AK5: variants seen among roughly 807,000 people sequenced by gnomAD.
The protein encoded by AK5 is adenylate kinase isoenzyme 5.
Under a neutral mutation model 69.5 loss-of-function variants are expected in AK5, and 27 were observed. The observed-to-expected ratio is 0.39, with a 90% CI of 0.29 to 0.54. AK5 has a LOEUF of 0.54. Among genes scored for constraint, AK5 ranks in the 20% least tolerant of loss-of-function variants. AK5 has a pLI of 0.71. For synonymous variants in AK5, 260 were observed against 244.4 expected, an observed-to-expected ratio of 1.06 and a Z score of -0.60; for missense variants, 531 against 700.4, an observed-to-expected ratio of 0.76 and a Z score of 2.73.
chr1:77,490,396 G>T (rs1182873813), intron 10 of AK5, among the ~76,000 whole-genome samples: 1 of 152,142 alleles, frequency 6.6e-6, no homozygotes, highest in Non-Finnish European at 1.5e-5. Context: ...AATGTTCAGG[G>T]CAAGTGTACC....
chr1:77,550,236 C>T (rs1401782863), intron 13 of AK5, among the ~76,000 whole-genome samples: 2 of 152,212 alleles, frequency 1.3e-5, no homozygotes, highest in African/African-American at 2.4e-5. Context: ...TGAGCCATTC[C>T]ATCCAGCTGG....
At chr1:77,511,191 C>CTT (rs1657328649) in intron 10 of AK5, among the ~76,000 whole-genome samples, 1 of 152,008 alleles carries the variant, frequency 6.6e-6, no homozygotes, top group African/African-American at 2.4e-5. Flanking sequence ...ACAGTAACTG[C>CTT]CTCATTTTAC....
chr1:77,404,391 G>A (rs979228758), intron 6 of AK5, among the ~76,000 whole-genome samples: 5 of 151,822 alleles, frequency 3.3e-5, no homozygotes, highest in Non-Finnish European at 5.9e-5. Context: ...AGTGGGGATC[G>A]TTTCTGCTTG....
At chr1:77,313,954 G>A (rs775880398) in intron 5 of AK5, 7 of 489,726 alleles carry the variant, frequency 1.4e-5, no homozygotes, top group Non-Finnish European at 2.5e-5. Flanking sequence ...CTTCCTTGAG[G>A]CAATGAAGTA....
At chr1:77,368,245 A>ATATATATATATATGTTATATATATAT (rs376578923) in intron 6 of AK5, among the ~76,000 whole-genome samples, 2 of 67,906 alleles carry the variant, frequency 2.9e-5, no homozygotes, top group Non-Finnish European at 5.7e-5. Flanking sequence ...ATATATATAT[A>ATATATATATATATGTTATATATATAT]TATATATAAT....
At chr1:77,425,354 G>C (rs966110688) in intron 8 of AK5, among the ~76,000 whole-genome samples, 7 of 152,224 alleles carry the variant, frequency 4.6e-5, no homozygotes, top group African/African-American at 1.7e-4. Flanking sequence ...GGGAGGCCAA[G>C]GCAGGTGGAT....
chr1:77,503,910 GA>G (rs1340627106), intron 10 of AK5, among the ~76,000 whole-genome samples: 1 of 145,388 alleles, frequency 6.9e-6, no homozygotes, highest in Non-Finnish European at 1.5e-5. Context: ...AAAAAAAAAA[GA>G]AAAAAAAATG....
At chr1:77,516,195 A>G (rs186934529) in intron 10 of AK5, among the ~76,000 whole-genome samples, 4 of 152,364 alleles carry the variant, frequency 2.6e-5, no homozygotes, top group Admixed American at 6.5e-5. Flanking sequence ...ACATTATGCT[A>G]AGTGAAATAA....
chr1:77,538,215 T>A (rs1659073210), intron 13 of AK5, among the ~76,000 whole-genome samples: 1 of 151,928 alleles, frequency 6.6e-6, no homozygotes, highest in African/African-American at 2.4e-5. Flanking sequence ...GGTATATGCC[T>A]GCAGTCCCAG....
rs1204552395 is a variant in AK5 at position 77,417,690 on chromosome 1, A to T, written c.1034A>T (p.Asp345Val). 3 of 1,606,860 alleles carry T rather than the reference A, an allele frequency of 1.9e-6. No homozygotes were observed. Among genetic ancestry groups the T allele is most frequent in the Admixed American group, 1.7e-5 (1 of 59,736 alleles). The change falls in exon 8 of 14, where the codon GAT (aspartate) becomes GTT (valine). Residue 345 changes from aspartate to valine, a missense_variant. Asp to Val is a radical substitution (Grantham distance 152). Coordinates refer to ENST00000354567, the MANE Select transcript of AK5 (RefSeq NM_174858.3). ...ATATTGGACACTGGAGAGATCATTGATACAGGATCTGATTATGAAGATCAG... is the reference window on the plus strand; with the variant it reads ...ATATTGGACACTGGAGAGATCATTGTTACAGGATCTGATTATGAAGATCAG... ...SMILDTGEII[D>V]TGSDYEDQGD...
chr1:77,451,010 T>TA (rs1420935686), intron 8 of AK5, among the ~76,000 whole-genome samples: 9 of 152,030 alleles, frequency 5.9e-5, no homozygotes, highest in African/African-American at 1.7e-4. Flanking sequence ...CCCTCATCTC[T>TA]AAAAAACTTT....
Position 77,442,310 on chromosome 1 carries a change from A to G in AK5, c.1059+24595A>G, listed in dbSNP as rs149514259. 2.0e-5 allele frequency among the ~76,000 whole-genome samples: 3 copies of G among 152,328 alleles called. No homozygotes were observed. In the East Asian group the frequency reaches 5.8e-4, roughly 29 times the overall value. ...TAATTCCATTTCCAAGATGGTGTGT[A>G]GGGCAGTAGCCATGTGGGCACAGAG... On this transcript the variant is annotated intron_variant, in intron 8 of 13. Transcript: ENST00000354567.
chr1:77,521,878 A>C lies in AK5; in HGVS notation c.1363A>C (p.Thr455Pro). ...GGCCATGGTGGCCAGCCTCGGGGACACCAGGGGCTTCCTGATTGACGGCTA... is the reference window on the plus strand; with the variant it reads ...GGCCATGGTGGCCAGCCTCGGGGACCCCAGGGGCTTCCTGATTGACGGCTA... ...KEAMVASLGD[T>P]RGFLIDGYPR... Residue 455 changes from threonine to proline, a missense_variant, in exon 12 of 14, where the codon ACC (threonine) becomes CCC (proline). Physicochemically the swap from Thr to Pro is conservative, Grantham distance 38 (BLOSUM62 -1). Transcript: ENST00000354567. 6.2e-7 allele frequency: 1 copy of C among 1,613,788 alleles called. No individual in the cohort carries two copies. Among genetic ancestry groups the C allele is most frequent in the Non-Finnish European group, 8.5e-7 (1 of 1,179,908 alleles).
chr1:77,297,893 T>C lies in AK5; in HGVS notation c.645T>C (p.Ile215=). Residue 215 remains isoleucine (I), a synonymous_variant, in exon 5 of 14, where the codon ATT becomes ATC. Transcript: ENST00000354567. ...KLMQIPDEEG[I]VIDGFPRDVA... ...TGCAAATACCTGATGAAGAGGGCAT[T>C]GTTATTGATGGATTTCCAAGAGATG... 1 of 1,613,618 alleles carries C rather than the reference T, an allele frequency of 6.2e-7. No individual in the cohort carries two copies. The highest frequency in any genetic ancestry group is 8.5e-7 in the Non-Finnish European group (1 of 1,179,798).
chr1:77,456,893 T>G (rs868798250), intron 8 of AK5, among the ~76,000 whole-genome samples: 1 of 151,458 alleles, frequency 6.6e-6, no homozygotes, highest in East Asian at 1.9e-4. Flanking sequence ...ACTTCACTTT[T>G]CTGGAGCACA....
intron 7 of AK5, among the ~76,000 whole-genome samples, chr1:77,414,984 C>T (rs1225936751): frequency 6.6e-6 from 1 of 151,986 alleles, no homozygotes; most frequent in South Asian, 2.1e-4. Context: ...TGTCTGTTGC[C>T]TCCTATGATA....
intron 8 of AK5, among the ~76,000 whole-genome samples, chr1:77,465,633 C>T (rs111727598): frequency 4.7e-4 from 72 of 152,178 alleles, no homozygotes; most frequent in Non-Finnish European, 8.8e-4. Flanking sequence ...TTCCTTACAC[C>T]GATGCTTAAA....
chr1:77,493,484 A>G (rs1278292205), intron 10 of AK5, among the ~76,000 whole-genome samples: 1 of 152,170 alleles, frequency 6.6e-6, no homozygotes, highest in Non-Finnish European at 1.5e-5. Context: ...ATATGGGCTT[A>G]TAATGGGAAT....
intron 5 of AK5, among the ~76,000 whole-genome samples, chr1:77,328,250 C>T (rs1660906269): frequency 6.6e-6 from 1 of 152,150 alleles, no homozygotes; most frequent in South Asian, 2.1e-4. Context: ...CCTGTAATTG[C>T]AGCACTTTGG....
Sources: gnomAD v4.1 joint callset for allele counts (sites outside exome capture counted in the v4.1 genomes callset) on GRCh38, gnomAD v4.1.1 for gene constraint, MANE v1.5 for transcripts, NCBI Gene and HGNC (gene_info 2026-07-23, HGNC 2026-07-21) for gene names.